DNAH3: variants seen among roughly 807,000 people sequenced by gnomAD.
DNAH3 encodes axonemal beta dynein heavy chain 3.
A neutral mutation model predicts 432.5 loss-of-function variants in DNAH3; 332 were observed. That is an observed-to-expected ratio of 0.77 (90% CI 0.70 to 0.84). DNAH3 has a LOEUF of 0.84. Ranked by LOEUF, DNAH3 falls within the 40% of genes least tolerant of loss-of-function variation. The pLI is 0.00. For missense variants in DNAH3, 4,861 were observed against 5,114.0 expected, an observed-to-expected ratio of 0.95 and a Z score of 1.51; for synonymous variants, 1,956 against 1,900.2, an observed-to-expected ratio of 1.03 and a Z score of -0.76.
chr16:20,968,936 T>G (rs142823957), intron 52 of DNAH3, among the ~76,000 whole-genome samples: 117 of 152,234 alleles, frequency 7.7e-4, no homozygotes, highest in Non-Finnish European at 1.3e-3. Context: ...TGTCTCTGCA[T>G]CTCTCTGTCT....
At chr16:21,014,902 G>A (rs766385380) in intron 41 of DNAH3, among the ~76,000 whole-genome samples, 12 of 151,214 alleles carry the variant, frequency 7.9e-5, no homozygotes, top group Non-Finnish European at 1.6e-4. Context: ...ATCTATATGA[G>A]GAAAACTATA....
At chr16:21,074,514 G>C (rs1251365342) in intron 21 of DNAH3, among the ~76,000 whole-genome samples, 2 of 152,096 alleles carry the variant, frequency 1.3e-5, no homozygotes, top group Non-Finnish European at 2.9e-5. Flanking sequence ...AGGAGTTCAA[G>C]ACCAGCCTGG....
At position 21,024,675 on chromosome 16, in the gene DNAH3, TGGGG is replaced by T. The variant is rs2088447123; in HGVS notation, c.5563_5566del (p.Pro1855IlefsTer3). 1 of 1,613,686 alleles carries T rather than the reference TGGGG, an allele frequency of 6.2e-7. No homozygotes were observed. The highest frequency in any genetic ancestry group is 1.7e-5 in the Admixed American group (1 of 59,974). ...CTTCAGGGGCTTCCAGCCTAGTTGA[TGGGG>T]CTCCATGTAGATCATCCCACACCTG... On this transcript the variant is annotated frameshift_variant, in exon 39 of 62. Coordinates refer to ENST00000261383, the Ensembl canonical transcript of DNAH3. LOFTEE classifies it high-confidence loss of function.
chr16:21,066,981 G>A (rs1244483319), intron 24 of DNAH3, among the ~76,000 whole-genome samples: 3 of 152,180 alleles, frequency 2.0e-5, no homozygotes, highest in Non-Finnish European at 2.9e-5. Flanking sequence ...GATGCCAAAG[G>A]AGGTCTAATT....
rs541197183 is a variant in DNAH3, at chr16:20,988,966, G to GA, written c.6602-902_6602-901insT. On this transcript the variant is annotated intron_variant, in intron 44 of 61. Transcript: ENST00000261383. Reference sequence around the variant, plus strand: ...CTCCCGGTGGACTCGTGGTCTCGCTGGCTTCAAGAGTGAAGTTGCAGACTT... The same window carrying GA: ...CTCCCGGTGGACTCGTGGTCTCGCTGAGCTTCAAGAGTGAAGTTGCAGACTT... Among the ~76,000 whole-genome samples the GA allele has an allele frequency of 1.9e-3, 296 of 152,272 alleles. 2 individuals carry two copies. The highest frequency in any genetic ancestry group is 1.6e-3 in the Non-Finnish European group (108 of 68,028).
exon 59 of DNAH3, chr16:20,941,495 C>T: frequency 1.2e-6 from 2 of 1,614,184 alleles, no homozygotes; most frequent in Non-Finnish European, 1.7e-6. Context: ...AGGTCAAAGT[C>T]TCTGGGAAGC....
intron 8 of DNAH3, among the ~76,000 whole-genome samples, chr16:21,125,765 G>C (rs916215726): frequency 6.6e-6 from 1 of 152,212 alleles, no homozygotes; most frequent in Non-Finnish European, 1.5e-5. Flanking sequence ...GGGAAAGAGA[G>C]AATGAGGAGC....
At chr16:21,036,653 A>C (rs1408573901) in intron 35 of DNAH3, 61 bp downstream of exon 35, 5 of 1,485,486 alleles carry the variant, frequency 3.4e-6, no homozygotes, top group Non-Finnish European at 4.6e-6. Flanking sequence ...ATAAGACTTT[A>C]CTGTTTGCTG....
At chr16:21,090,473 A>C (rs2152783539) in intron 18 of DNAH3, among the ~76,000 whole-genome samples, 1 of 152,250 alleles carries the variant, frequency 6.6e-6, no homozygotes, top group Non-Finnish European at 1.5e-5. Flanking sequence ...CATGAAAATA[A>C]TAATACACCA....
intron 59 of DNAH3, among the ~76,000 whole-genome samples, chr16:20,937,068 G>T (rs1379239632): frequency 6.6e-6 from 1 of 152,188 alleles, no homozygotes; most frequent in African/African-American, 2.4e-5. Flanking sequence ...TTTTTAATGA[G>T]ATCATACTAT....
At chr16:20,933,572 C>T in intron 61 of DNAH3, 65 bp from the exon 62 acceptor site, 1 of 1,350,850 alleles carries the variant, frequency 7.4e-7, no homozygotes, top group Admixed American at 2.4e-5. Flanking sequence ...GCTTTAAGAG[C>T]CTGGAATCTT....
At chr16:20,944,166 T>TA in intron 58 of DNAH3, among the ~76,000 whole-genome samples, 1 of 146,768 alleles carries the variant, frequency 6.8e-6, no homozygotes, top group Admixed American at 7.0e-5. Flanking sequence ...AAAAGAGAGT[T>TA]AGTTTTAAAA....
chr16:20,978,343 A>G (rs2085692573), intron 50 of DNAH3, among the ~76,000 whole-genome samples: 1 of 152,170 alleles, frequency 6.6e-6, no homozygotes, highest in Admixed American at 6.5e-5. Flanking sequence ...AGACTGGCCA[A>G]CATGGCAAAA....
intron 19 of DNAH3, 68 bp from the exon 20 acceptor site, chr16:21,081,795 A>T: frequency 7.6e-7 from 1 of 1,307,910 alleles, no homozygotes; most frequent in East Asian, 2.3e-5. Context: ...ACCTTCTGTG[A>T]TGATGGAGAT....
chr16:20,959,766 T>C (rs1055929625), intron 53 of DNAH3, among the ~76,000 whole-genome samples: 6 of 152,070 alleles, frequency 3.9e-5, no homozygotes, highest in South Asian at 2.1e-4. Context: ...AGACATCAGA[T>C]CAGATGGCAG....
chr16:21,054,532 A>C, exon 28 of DNAH3: 2 of 1,613,104 alleles, frequency 1.2e-6, no homozygotes. Context: ...TTTTCAGAAA[A>C]TCCTGGAAGG....
chr16:21,019,990 G>C, intron 40 of DNAH3, 121 bp from the exon 41 acceptor site: 4 of 1,084,178 alleles, frequency 3.7e-6, no homozygotes, highest in Non-Finnish European at 5.4e-6. Flanking sequence ...TATTGGCAGA[G>C]TGCCTATCAC....
At chr16:21,134,815 T>C (rs2092620684) in intron 6 of DNAH3, among the ~76,000 whole-genome samples, 1 of 152,072 alleles carries the variant, frequency 6.6e-6, no homozygotes, top group African/African-American at 2.4e-5. Flanking sequence ...GCCTCCTGAG[T>C]AGCTGGGATT....
intron 27 of DNAH3, among the ~76,000 whole-genome samples, chr16:21,055,338 G>A (rs570750914): frequency 6.6e-6 from 1 of 152,138 alleles, no homozygotes; most frequent in Non-Finnish European, 1.5e-5. Context: ...ATACAGGCAT[G>A]AGCCACCACG....
Sources: gnomAD v4.1 joint callset for allele counts (sites outside exome capture counted in the v4.1 genomes callset) on GRCh38, gnomAD v4.1.1 for gene constraint, MANE v1.5 for transcripts, NCBI Gene and HGNC (gene_info 2026-07-23, HGNC 2026-07-21) for gene names.